The following FGD5 variants were observed in gnomAD, a reference collection of about 807,000 sequenced individuals.
FGD5 encodes the protein FYVE, RhoGEF and PH domain-containing protein 5.
In FGD5, 28 loss-of-function variants were observed where a neutral mutation model predicts 133.4. The observed-to-expected ratio is 0.21, with a 90% confidence interval of 0.16 to 0.29. The LOEUF is 0.29. Among genes scored for constraint, FGD5 ranks in the 10% least tolerant of loss-of-function variants. The probability of loss-of-function intolerance (pLI) is 1.00; values close to 1 mark genes in which losing one functional copy is unlikely to be tolerated. For synonymous variants in FGD5, 810 were observed against 776.5 expected (o/e 1.04, Z -0.72); for missense variants, 1,858 against 1,895.2 (o/e 0.98, Z 0.36).
intron 2 of FGD5, among the ~76,000 whole-genome samples, chr3:14,870,143 CCGAA>C (rs2037577539): frequency 1.5e-4 from 2 of 13,450 alleles, no homozygotes; most frequent in African/African-American, 4.4e-4. Flanking sequence ...ATGAGGGAGC[CCGAA>C]TGGCATGAGG....
At chr3:14,915,879 A>T (rs796803681) in intron 11 of FGD5, among the ~76,000 whole-genome samples, 17 of 152,038 alleles carry the variant, frequency 1.1e-4, no homozygotes, top group African/African-American at 4.1e-4. Flanking sequence ...CGTCATTTGT[A>T]CAGGGCTCAC....
Position 14,897,970 on chromosome 3 carries a change from C to A in FGD5, c.2941C>A (p.Leu981Met). The change falls in exon 6 of 20, where the codon CTG becomes ATG. Residue 981 changes from leucine to methionine, a missense_variant. By Grantham distance (15) the Leu-to-Met change is conservative. This residue lies in a region of FGD5 where 1,824 missense variants were observed against 1,848.9 expected (regional missense o/e 0.99). Coordinates refer to ENST00000285046, the MANE Select transcript of FGD5 (RefSeq NM_152536.4). The part of the protein sequence containing the change: ...ESQQKVADVF[L>M]AREQGFDHHA... ...CCAGCAGAAGGTAGCTGACGTCTTC[C>A]TGGCCCGGGAGCAGGGGTTTGATCA... is the stretch of plus-strand genomic sequence containing the variant. 2 of 1,613,854 alleles carry A rather than the reference C, an allele frequency of 1.2e-6. No homozygotes were observed. The highest frequency in any genetic ancestry group is 1.7e-6 in the Non-Finnish European group (2 of 1,179,854).
intron 4 of FGD5, among the ~76,000 whole-genome samples, chr3:14,892,649 C>T (rs1291775304): frequency 1.3e-5 from 2 of 152,126 alleles, no homozygotes; most frequent in Non-Finnish European, 2.9e-5. Context: ...GAAACTCTGT[C>T]TCTACTAAAA....
At chr3:14,892,110 G>A (rs1405472223) in intron 4 of FGD5, among the ~76,000 whole-genome samples, 3 of 152,024 alleles carry the variant, frequency 2.0e-5, no homozygotes, top group Admixed American at 6.5e-5. Flanking sequence ...GGGGAGAGAA[G>A]GCCAGAAAGG....
chr3:14,921,401 G>GCCCT (rs1302721884), intron 13 of FGD5: 1 of 157,548 alleles, frequency 6.3e-6, no homozygotes, highest in Non-Finnish European at 1.4e-5. Flanking sequence ...CACTCAGGAA[G>GCCCT]CCCTCCCTGG....
chr3:14,933,281 C>T lies in FGD5; in HGVS notation c.*114C>T. On this transcript the variant is annotated 3_prime_UTR_variant, in exon 20 of 20. Transcript: ENST00000285046. ...CACACACCTGGATTCAGCAATGAGG[C>T]CTGACCTTTTTTGCTATAACCGCCC... is the stretch of plus-strand genomic sequence containing the variant. The T allele has an allele frequency of 2.4e-6, 3 of 1,265,312 alleles. No individual in the cohort carries two copies. The highest frequency in any genetic ancestry group is 2.0e-5 in the Admixed American group (1 of 50,766). 78.4% of individuals were successfully genotyped at this position (1,265,312 alleles called of 1,614,324 possible). A position where few individuals can be genotyped will look rare whatever the true frequency, so the allele number is the denominator to read the frequency against.
At chr3:14,867,437 A>T (rs963917767) in intron 2 of FGD5, among the ~76,000 whole-genome samples, 1 of 152,234 alleles carries the variant, frequency 6.6e-6, no homozygotes, top group Non-Finnish European at 1.5e-5. Context: ...TCAGCATTGC[A>T]GTGAACTTGT....
Position 14,864,167 on chromosome 3 carries a change from G to A in FGD5, c.2565G>A (p.Ser855=), listed in dbSNP as rs758328437. 9.9e-6 allele frequency: 16 copies of A among 1,613,848 alleles called. No homozygotes were observed. In the Middle Eastern group the frequency reaches 8.2e-4, roughly 83 times the overall value. The part of the protein sequence containing the change: ...TEPYKVCPIS[S]AAPKEDLTSD... ...CCTACAAAGTCTGTCCCATCTCGTC[G>A]GCAGCCCCCAAAGAGGACCTTACGT... Residue 855 remains serine, a synonymous_variant, in exon 2 of 20, where the codon TCG becomes TCA. Transcript: ENST00000285046.
chr3:14,893,318 T>TTG (rs2038065806), intron 4 of FGD5, among the ~76,000 whole-genome samples: 1 of 152,150 alleles, frequency 6.6e-6, no homozygotes, highest in African/African-American at 2.4e-5. Flanking sequence ...AACATTCAAA[T>TTG]TATTCTCTTC....
intron 1 of FGD5, among the ~76,000 whole-genome samples, chr3:14,863,735 T>C (rs1459163194): frequency 6.6e-6 from 1 of 152,190 alleles, no homozygotes; most frequent in African/African-American, 2.4e-5. Flanking sequence ...CACCACATCA[T>C]TGCATCCCTT....
chr3:14,919,122 T>A (rs1007500704), intron 13 of FGD5, among the ~76,000 whole-genome samples: 1 of 152,206 alleles, frequency 6.6e-6, no homozygotes, highest in Non-Finnish European at 1.5e-5. Flanking sequence ...CTCATGTTTG[T>A]GGAGCTCTTT....
intron 18 of FGD5, 99 bp from the exon 19 acceptor site, chr3:14,932,478 A>G: frequency 7.1e-7 from 1 of 1,402,648 alleles, no homozygotes; most frequent in East Asian, 2.5e-5. Flanking sequence ...AGCACACCCC[A>G]CACAGAGGCA....
In FGD5 at chr3:14,916,604, T is replaced by TTGG. The variant is rs557680643; in HGVS notation, c.3406-643_3406-641dup. ...CATCAACCTTAAGCATATGTGTTAG[T>TTGG]TGGTACTGACAAGTGTATATCACAG... On this transcript the variant is annotated intron_variant, in intron 11 of 19. Coordinates refer to ENST00000285046, the MANE Select transcript of FGD5 (RefSeq NM_152536.4). Among the ~76,000 whole-genome samples, 288 of 152,320 alleles carry TTGG rather than the reference T, an allele frequency of 1.9e-3. 1 individual carries two copies. Among genetic ancestry groups the TTGG allele is most frequent in the African/African-American group, 6.7e-3 (277 of 41,570 alleles).
chr3:14,869,011 G>A (rs76721362), intron 2 of FGD5, among the ~76,000 whole-genome samples: 14,530 of 152,056 alleles, frequency 0.096, 849 homozygotes, highest in East Asian at 0.3. Context: ...AAACAAACTG[G>A]CAGCCAGGCA....
intron 11 of FGD5, among the ~76,000 whole-genome samples, chr3:14,916,179 G>C (rs892245975): frequency 4.6e-5 from 7 of 152,234 alleles, no homozygotes; most frequent in Admixed American, 2.0e-4. Context: ...CATTCTCTCT[G>C]TGTCCACGAT....
chr3:14,844,217 A>T (rs76840607), intron 1 of FGD5, among the ~76,000 whole-genome samples: 598 of 19,938 alleles, frequency 0.03, 19 homozygotes, highest in African/African-American at 0.041. Flanking sequence ...AAAAAAAAAA[A>T]ATATATATAT....
upstream of FGD5, among the ~76,000 whole-genome samples, chr3:14,815,081 C>T (rs1300333582): frequency 1.1e-4 from 16 of 152,160 alleles, no homozygotes; most frequent in Admixed American, 1.0e-3. Flanking sequence ...TATTTCAACA[C>T]ATTAGCCAGA....
upstream of FGD5, among the ~76,000 whole-genome samples, chr3:14,815,475 G>A (rs2036354545): frequency 6.6e-6 from 1 of 152,094 alleles, no homozygotes; most frequent in Non-Finnish European, 1.5e-5. Context: ...AGGTCCCTGA[G>A]TCTGGGGGCT....
At chr3:14,812,752 C>T (rs968436498) in intron 1 of FGD5, among the ~76,000 whole-genome samples, 3 of 152,170 alleles carry the variant, frequency 2.0e-5, no homozygotes. Context: ...TTCAACCTCT[C>T]TACACCTGTT....
Sources: allele counts gnomAD v4.1 joint callset (sites outside exome capture counted in the v4.1 genomes callset), GRCh38; gene constraint gnomAD v4.1.1; regional missense constraint gnomAD v4.1.1; transcripts MANE v1.5; gene names NCBI Gene and HGNC (gene_info 2026-07-23, HGNC 2026-07-21).